The following SNAPC4 variants were observed in gnomAD, a reference collection of about 807,000 sequenced individuals.
SNAPC4 encodes the protein snRNA-activating protein complex subunit 4.
A neutral mutation model predicts 151.3 loss-of-function variants in SNAPC4; 127 were observed. That is an observed-to-expected ratio of 0.84 (90% CI 0.73 to 0.97). The LOEUF (loss-of-function observed/expected upper bound fraction) is 0.97. SNAPC4 is among the 50% of genes least tolerant of loss of function. The probability of loss-of-function intolerance (pLI) is 0.00; values close to 1 mark genes in which losing one functional copy is unlikely to be tolerated. For synonymous variants in SNAPC4, 1,002 were observed against 824.4 expected (o/e 1.22, Z -3.69); for missense variants, 2,186 against 1,935.0 (o/e 1.13, Z -2.43).
At chr9:136,391,412 C>T (rs572673940) in intron 10 of SNAPC4, among the ~76,000 whole-genome samples, 1 of 152,256 alleles carries the variant, frequency 6.6e-6, no homozygotes, top group African/African-American at 2.4e-5. Flanking sequence ...CTCCTAGATA[C>T]ACCTAGGTCC....
intron 5 of SNAPC4, 138 bp downstream of exon 5, chr9:136,395,160 G>A: frequency 2.7e-6 from 3 of 1,114,640 alleles, no homozygotes; most frequent in South Asian, 1.5e-5. Context: ...CCACCACGGA[G>A]GAGGCAGTTT....
chr9:136,398,291 G>A lies in SNAPC4; in HGVS notation c.130+8C>T, dbSNP rs374590590. ...AGGACCCCAGGAGGCTAGGTACAAG[G>A]GGCTTACCTGCTTCAGAATCTGACT... On this transcript the variant is annotated splice_region_variant and intron_variant, in intron 2 of 23. Coordinates refer to ENST00000684778, the MANE Select transcript of SNAPC4 (RefSeq NM_003086.4). 5.7e-5 allele frequency: 92 copies of A among 1,611,826 alleles called. No individual in the cohort carries two copies. The highest frequency in any genetic ancestry group is 7.2e-5 in the Non-Finnish European group (85 of 1,178,494).
At chr9:136,392,410 G>T in intron 9 of SNAPC4, 112 bp downstream of exon 9, 1 of 1,111,414 alleles carries the variant, frequency 9.0e-7, no homozygotes, top group Non-Finnish European at 1.4e-6. Context: ...GGGGGTCACA[G>T]CAGAACCTGT....
In SNAPC4 at chr9:136,388,437, G is replaced by A. The variant is rs1833962748; in HGVS notation, c.1123+7C>T. On this transcript the variant is annotated splice_region_variant and intron_variant, in intron 11 of 23. Transcript: ENST00000684778. ...GCCTGAGAGCCGTCGGGGTGGAGGG[G>A]CCTCACTTCTGCGGTAGGGGATGTG... is the stretch of plus-strand genomic sequence containing the variant. The A allele has an allele frequency of 1.9e-6, 3 of 1,611,548 alleles. No homozygotes were observed. In the African/African-American group the frequency reaches 4.0e-5, roughly 21 times the overall value.
chr9:136,383,088 C>T lies in SNAPC4; in HGVS notation c.1983+98G>A, dbSNP rs1323151526. The T allele has an allele frequency of 3.4e-6, 5 of 1,456,776 alleles. No homozygotes were observed. The highest frequency in any genetic ancestry group is 2.4e-5 in the East Asian group (1 of 41,066). 90.2% of individuals were successfully genotyped at this position (1,456,776 alleles called of 1,614,324 possible). A position where few individuals can be genotyped will look rare whatever the true frequency, so the allele number is the denominator to read the frequency against. ...AGTAGCACGTTCTGATGCACACGAA[C>T]CCTGGGGCCCCTGCTGCTGCACTAT... is the stretch of plus-strand genomic sequence containing the variant. On this transcript the variant is annotated intron_variant, in intron 16 of 23. Transcript: ENST00000684778. This position sits in a 1 kb window ranked among gnomAD's most constrained non-coding sequence, Gnocchi z 4.2.
rs1833675047 is a variant in SNAPC4, at chr9:136,381,141, C to T, written c.2388+181G>A. On this transcript the variant is annotated intron_variant, in intron 19 of 23. Coordinates refer to ENST00000684778, the MANE Select transcript of SNAPC4 (RefSeq NM_003086.4). ...TTTAGCCCGATGGGGGCAGTGCACA[C>T]TGTAGCCGGCACCCCTTCCACATTC... Among the ~76,000 whole-genome samples the T allele has an allele frequency of 2.0e-5, 3 of 152,226 alleles. No individual in the cohort carries two copies. The South Asian group carries it at 6.2e-4, about 31-fold the overall frequency.
chr9:136,399,840 C>T (rs952198654), intron 1 of SNAPC4, among the ~76,000 whole-genome samples: 1 of 152,230 alleles, frequency 6.6e-6, no homozygotes, highest in Admixed American at 6.5e-5. Flanking sequence ...GCGGAATCGC[C>T]GGCGCAGTCC....
rs751653343 is a variant in SNAPC4 at position 136,383,171 on chromosome 9, A to G, written c.1983+15T>C. The G allele has an allele frequency of 3.3e-6, 5 of 1,519,266 alleles. No individual in the cohort carries two copies. In the African/African-American group the frequency reaches 4.2e-5, roughly 13 times the overall value. The allele number at this position is 1,519,266 out of a possible 1,614,324, so 94.1% of individuals were successfully genotyped here. A position where few individuals can be genotyped will look rare whatever the true frequency, so the allele number is the denominator to read the frequency against. The stretch of plus-strand genomic sequence containing the variant: ...AAAGTGCACTTCCCGTGGTACACCC[A>G]GGGCCGGGGCCTACCTCCAGGGCCT... On this transcript the variant is annotated intron_variant, in intron 16 of 23. Coordinates refer to ENST00000684778, the MANE Select transcript of SNAPC4 (RefSeq NM_003086.4). The surrounding 1 kb of genome is among the most constrained non-coding windows in gnomAD (Gnocchi z 4.2).
Position 136,383,558 on chromosome 9 carries a change from G to A in SNAPC4, c.1611C>T (p.Ser537=). Residue 537 remains serine (S), a synonymous_variant, in exon 16 of 24, where the codon AGC becomes AGT. Transcript: ENST00000684778. The surrounding 1 kb of genome is among the most constrained non-coding windows in gnomAD (Gnocchi z 4.2). ...SSGSSGGSSS[S]SSSSSEEDEP... The stretch of plus-strand genomic sequence containing the variant: ...CGTCCTCCTCGCTGCTGCTGCTGCT[G>A]CTGCTGCTGCTCCCTCCACTGCTGC... The A allele has an allele frequency of 6.2e-7, 1 of 1,606,572 alleles. No homozygotes were observed.
chr9:136,393,938 G>A (rs548631592), intron 7 of SNAPC4, among the ~76,000 whole-genome samples: 2 of 152,354 alleles, frequency 1.3e-5, no homozygotes, highest in South Asian at 2.1e-4. Context: ...TTGTTTTTGA[G>A]ACAGGGTCTC....
At chr9:136,395,163 G>C (rs1380204790) in intron 5 of SNAPC4, 135 bp downstream of exon 5, 3 of 1,135,430 alleles carry the variant, frequency 2.6e-6, no homozygotes, top group Non-Finnish European at 3.7e-6. Context: ...CCACGGAGGA[G>C]GCAGTTTGAA....
chr9:136,380,272 G>A (rs1344163277), intron 20 of SNAPC4, among the ~76,000 whole-genome samples: 1 of 151,536 alleles, frequency 6.6e-6, no homozygotes, highest in Non-Finnish European at 1.5e-5. Context: ...CTGGGGGGTT[G>A]GGGGCAGGGT....
At position 136,377,642 on chromosome 9, in the gene SNAPC4, C is replaced by A. The variant is rs781326793; in HGVS notation, c.4185G>T (p.Arg1395Ser). The A allele has an allele frequency of 6.3e-7, 1 of 1,590,166 alleles. No homozygotes were observed. Among genetic ancestry groups the A allele is most frequent in the South Asian group, 1.1e-5 (1 of 89,218 alleles). The change falls in exon 22 of 24, where the codon AGG (arginine) becomes AGT (serine). Residue 1395 changes from arginine (R) to serine (S), a missense_variant. Physicochemically the swap from Arg to Ser is moderately radical, Grantham distance 110. Coordinates refer to ENST00000684778, the MANE Select transcript of SNAPC4 (RefSeq NM_003086.4). ...CTTCATCCTCACTCTCAGAGCCCAC[C>A]CTCGAAGGTACTGAGAGGGTGGTGC... ...GVRTTLSVPS[R>S]VGSESEDEDL...
Position 136,378,260 on chromosome 9 carries a change from C to T in SNAPC4, c.3567G>A (p.Thr1189=), listed in dbSNP as rs759016866. ...QVAREIPEPR[T]SSHADPPEAE... is the part of the protein sequence containing the mutation. ...CTTCAGGAGGGTCAGCGTGGGAGGA[C>T]GTCCTGGGCTCAGGTATCTCCCTGG... The change falls in exon 22 of 24, where the codon ACG becomes ACA. Residue 1189 remains threonine, a synonymous_variant. Transcript: ENST00000684778. 3.2e-5 allele frequency: 51 copies of T among 1,607,590 alleles called. 1 individual carries two copies. In the South Asian group the frequency reaches 3.7e-4, roughly 12 times the overall value.
chr9:136,380,137 G>A (rs957633479), intron 20 of SNAPC4, among the ~76,000 whole-genome samples: 15 of 152,198 alleles, frequency 9.9e-5, no homozygotes, highest in African/African-American at 1.9e-4. Context: ...CTCCTGAACC[G>A]CAGGCTGCTG....
intron 21 of SNAPC4, among the ~76,000 whole-genome samples, chr9:136,379,588 G>C (rs568930350): frequency 3.3e-5 from 5 of 152,210 alleles, no homozygotes; most frequent in Admixed American, 6.5e-5. Flanking sequence ...GCGGACGCTC[G>C]CTCCAGACGA....
chr9:136,382,921 G>T (rs75752194), intron 16 of SNAPC4, among the ~76,000 whole-genome samples: 96 of 152,250 alleles, frequency 6.3e-4, no homozygotes, highest in African/African-American at 2.2e-3. Context: ...CCCCAACCCT[G>T]GCTTGGGGGT....
chr9:136,378,521 G>A lies in SNAPC4; in HGVS notation c.3306C>T (p.Thr1102=). ...TGGCCAGCAGCCCTGCGGGGCCAGG[G>A]GTCCCTGCTGGCCTGGGAAGGCTCA... is the stretch of plus-strand genomic sequence containing the variant. ...AVVSLPRPAG[T]PGPAGLLATL... Residue 1102 remains threonine (T), a synonymous_variant, in exon 22 of 24, where the codon ACC becomes ACT. Transcript: ENST00000684778. 1 of 1,591,638 alleles carries A rather than the reference G, an allele frequency of 6.3e-7. No homozygotes were observed. The highest frequency in any genetic ancestry group is 8.5e-7 in the Non-Finnish European group (1 of 1,174,854).
rs148282144 is a variant in SNAPC4 at position 136,378,162 on chromosome 9, G to A, written c.3665C>T (p.Pro1222Leu). 144 of 1,610,972 alleles carry A rather than the reference G, an allele frequency of 8.9e-5. No homozygotes were observed. Among genetic ancestry groups the A allele is most frequent in the Middle Eastern group, 3.3e-4 (2 of 6,054 alleles). Residue 1222 changes from proline (P) to leucine (L), a missense_variant, in exon 22 of 24, where the codon CCG (proline) becomes CTG (leucine). By Grantham distance (98) the Pro-to-Leu change is moderately conservative. Coordinates refer to ENST00000684778, the MANE Select transcript of SNAPC4 (RefSeq NM_003086.4). ...CTCCTGTGTCCCTGAGGGGGACCCC[G>A]GCGTCCCCCTTGGCTCAGTTGCTGG... ...VIPATEPRGT[P>L]GSPSGTQEPR... is the part of the protein sequence containing the mutation.
Sources: gnomAD v4.1 joint callset for allele counts (sites outside exome capture counted in the v4.1 genomes callset) on GRCh38, gnomAD v4.1.1 for gene constraint, Gnocchi (gnomAD v3.1) non-coding constraint, MANE v1.5 for transcripts, NCBI Gene and HGNC (gene_info 2026-07-23, HGNC 2026-07-21) for gene names.